BTBD3: variants seen among roughly 807,000 people sequenced by gnomAD.
BTBD3 encodes BTB/POZ domain-containing protein 3.
A neutral mutation model predicts 41.6 loss-of-function variants in BTBD3; 14 were observed. The observed-to-expected ratio is 0.34, with a 90% CI of 0.22 to 0.53. The LOEUF (loss-of-function observed/expected upper bound fraction) is 0.53, where lower values mean the gene tolerates loss of function less well. Among genes scored for constraint, BTBD3 ranks in the 20% least tolerant of loss-of-function variants. The pLI is 0.95. For synonymous variants in BTBD3, 249 were observed against 233.7 expected, an observed-to-expected ratio of 1.07 and a Z score of -0.60; for missense variants, 426 against 654.7, an observed-to-expected ratio of 0.65 and a Z score of 3.81.
chr20:11,919,785 A>T lies in BTBD3; in HGVS notation c.485A>T (p.Asp162Val). ...MFYGELAEDK[D>V]EIRIPDVEPA... The stretch of plus-strand genomic sequence containing the variant: ...TACGGAGAACTTGCAGAGGACAAAG[A>T]TGAAATCCGTATACCAGATGTCGAA... The change falls in exon 3 of 4, where the codon GAT (aspartate) becomes GTT (valine). Residue 162 changes from aspartate to valine, a missense_variant. Around this residue, in one of 3 missense-constraint regions of BTBD3, gnomAD observed 321 missense variants for 534.8 expected, o/e 0.60. Coordinates refer to ENST00000378226, the MANE Select transcript of BTBD3 (RefSeq NM_014962.4). The T allele has an allele frequency of 6.2e-7, 1 of 1,614,204 alleles. No homozygotes were observed. The highest frequency in any genetic ancestry group is 8.5e-7 in the Non-Finnish European group (1 of 1,180,026).
intron 1 of BTBD3, among the ~76,000 whole-genome samples, chr20:11,895,741 T>C (rs185903724): frequency 2.6e-5 from 4 of 152,304 alleles, no homozygotes. Flanking sequence ...GGGGAAGGCA[T>C]CTTGGAATTT....
intron 3 of BTBD3, among the ~76,000 whole-genome samples, 157 bp downstream of exon 3, chr20:11,919,993 T>C (rs774392840): frequency 1.3e-5 from 2 of 152,226 alleles, no homozygotes; most frequent in Non-Finnish European, 2.9e-5. Flanking sequence ...AAGAACACTT[T>C]AGCTTTCCGT....
In BTBD3 at chr20:11,919,334, C is replaced by T. The variant is rs747452813; in HGVS notation, c.417+158C>T. 37 of 1,387,520 alleles carry T rather than the reference C, an allele frequency of 2.7e-5. 1 individual carries two copies. The highest frequency in any genetic ancestry group is 1.5e-4 in the African/African-American group (10 of 68,602). 86.0% of individuals were successfully genotyped at this position (1,387,520 alleles called of 1,614,324 possible). On this transcript the variant is annotated intron_variant, in intron 2 of 3. Transcript: ENST00000378226. ...CACCCTCTCCAGAGGGCTTTGGCCA[C>T]GCTTAATTTTTTCTTTGTTTCCTTC...
In BTBD3 at chr20:11,923,766, T is replaced by G; in HGVS notation, c.*100T>G. On this transcript the variant is annotated 3_prime_UTR_variant, in exon 4 of 4. Coordinates refer to ENST00000378226, the MANE Select transcript of BTBD3 (RefSeq NM_014962.4). The surrounding 1 kb of genome is among the most constrained non-coding windows in gnomAD (Gnocchi z 5.3). ...GCAAATATGTGATCAGTGCCGGTAATTTGTAATGAATGAAGCGGTAGGCAG... is the reference window on the plus strand; with the variant it reads ...GCAAATATGTGATCAGTGCCGGTAAGTTGTAATGAATGAAGCGGTAGGCAG... The G allele has an allele frequency of 8.4e-7, 1 of 1,189,050 alleles. No homozygotes were observed. The highest frequency in any genetic ancestry group is 1.2e-6 in the Non-Finnish European group (1 of 846,730). 73.7% of individuals were successfully genotyped at this position (1,189,050 alleles called of 1,614,324 possible).
upstream of BTBD3, chr20:11,917,803 C>A: frequency 2.3e-6 from 1 of 444,228 alleles, no homozygotes; most frequent in Non-Finnish European, 3.0e-6. Context: ...TTGGTCCAAT[C>A]ATGATTGGTG....
intron 3 of BTBD3, among the ~76,000 whole-genome samples, chr20:11,920,365 A>G (rs867670954): frequency 6.6e-6 from 1 of 152,184 alleles, no homozygotes; most frequent in Non-Finnish European, 1.5e-5. Flanking sequence ...AAAATCAGAC[A>G]CTCTCAAGGG....
chr20:11,901,784 T>C (rs6040977), intron 1 of BTBD3, among the ~76,000 whole-genome samples: 108,921 of 152,016 alleles, frequency 0.72, 39,654 homozygotes, highest in Non-Finnish European at 0.78. Flanking sequence ...GATGTCAATA[T>C]ATAATGGTGT....
intron 1 of BTBD3, among the ~76,000 whole-genome samples, chr20:11,901,074 A>G (rs2056821177): frequency 6.6e-6 from 1 of 152,114 alleles, no homozygotes; most frequent in East Asian, 1.9e-4. Context: ...AAACCTGGAA[A>G]TTGGTACAAT....
chr20:11,917,971 A>T lies in BTBD3; in HGVS notation c.-305A>T. On this transcript the variant is annotated 5_prime_UTR_variant, in exon 1 of 4. Transcript: ENST00000378226. ...TGACCTAATTCAGAAAAGAAGTGCT[A>T]CAGCTCTGTGCCTGTCATCTTTGCA... 2.8e-6 allele frequency: 3 copies of T among 1,079,376 alleles called. No individual in the cohort carries two copies. The highest frequency in any genetic ancestry group is 2.2e-6 in the Non-Finnish European group (2 of 889,760). The allele number at this position is 1,079,376 out of a possible 1,614,324, so 66.9% of individuals were successfully genotyped here. A position where few individuals can be genotyped will look rare whatever the true frequency, so the allele number is the denominator to read the frequency against.
At chr20:11,916,314 T>C (rs2056917509), upstream of BTBD3, among the ~76,000 whole-genome samples, 1 of 152,182 alleles carries the variant, frequency 6.6e-6, no homozygotes, top group Admixed American at 6.5e-5. Flanking sequence ...GGAGCTTACT[T>C]GTTTCTTCAT....
At chr20:11,905,280 A>T (rs764103903) in intron 1 of BTBD3, among the ~76,000 whole-genome samples, 2 of 152,150 alleles carry the variant, frequency 1.3e-5, no homozygotes, top group African/African-American at 4.8e-5. Context: ...TCAAGTAACA[A>T]TGGCATTTCA....
At chr20:11,920,623 G>A (rs2056962977) in intron 3 of BTBD3, among the ~76,000 whole-genome samples, 1 of 152,158 alleles carries the variant, frequency 6.6e-6, no homozygotes. Flanking sequence ...CAGTGTGGTA[G>A]TTCACCAAGT....
intron 1 of BTBD3, among the ~76,000 whole-genome samples, chr20:11,895,194 G>T (rs2056779178): frequency 6.6e-6 from 1 of 152,046 alleles, no homozygotes; most frequent in Non-Finnish European, 1.5e-5. Flanking sequence ...GCTTCTCTGT[G>T]TGTTGATCCT....
At chr20:11,890,890 G>C (rs1203180198) in exon 1 of BTBD3, 2 of 984,916 alleles carry the variant, frequency 2.0e-6, no homozygotes, top group African/African-American at 1.7e-5. Context: ...GCCGGGGCCT[G>C]AGGAGCGGGC....
chr20:11,915,051 C>G (rs2056909957), upstream of BTBD3, among the ~76,000 whole-genome samples: 1 of 152,196 alleles, frequency 6.6e-6, no homozygotes, highest in Non-Finnish European at 1.5e-5. Flanking sequence ...CCAGCCAGGA[C>G]TGAACTAGAT....
chr20:11,906,036 G>A (rs775702813), intron 1 of BTBD3, among the ~76,000 whole-genome samples: 23 of 151,972 alleles, frequency 1.5e-4, no homozygotes, highest in Non-Finnish European at 3.2e-4. Flanking sequence ...CAGTGAATTC[G>A]TTATTGAAAA....
upstream of BTBD3, among the ~76,000 whole-genome samples, chr20:11,917,276 G>T (rs2056924844): frequency 6.6e-6 from 1 of 152,070 alleles, no homozygotes; most frequent in Non-Finnish European, 1.5e-5. Flanking sequence ...AGGTGTACGG[G>T]TATAATCTTA....
At position 11,923,703 on chromosome 20, in the gene BTBD3, C is replaced by T; in HGVS notation, c.*37C>T. 6.5e-7 allele frequency: 1 copy of T among 1,547,988 alleles called. No individual in the cohort carries two copies. The highest frequency in any genetic ancestry group is 8.7e-7 in the Non-Finnish European group (1 of 1,144,984). On this transcript the variant is annotated 3_prime_UTR_variant, in exon 4 of 4. Transcript: ENST00000378226. This position sits in a 1 kb window ranked among gnomAD's most constrained non-coding sequence, Gnocchi z 5.3. The stretch of plus-strand genomic sequence containing the variant: ...CTGAAGCAGCTTGAGCTCCAAAGTG[C>T]ACATCTGGTTCCAACTTGCCTGATG...
intron 1 of BTBD3, among the ~76,000 whole-genome samples, chr20:11,905,284 C>G (rs2056846734): frequency 6.7e-6 from 1 of 150,370 alleles, no homozygotes; most frequent in African/African-American, 2.5e-5. Context: ...GTAACAATGG[C>G]ATTTCAAGAA....
Sources: allele counts gnomAD v4.1 joint callset (sites outside exome capture counted in the v4.1 genomes callset), GRCh38; gene constraint gnomAD v4.1.1; regional missense constraint gnomAD v4.1.1; non-coding constraint Gnocchi (gnomAD v3.1); transcripts MANE v1.5; gene names NCBI Gene and HGNC (gene_info 2026-07-23, HGNC 2026-07-21).